STK3: variants seen among roughly 807,000 people sequenced by gnomAD.
The protein encoded by STK3 is serine/threonine kinase 3.
In STK3, 41 loss-of-function variants were observed where a neutral mutation model predicts 58.0. That is an observed-to-expected ratio of 0.71 (90% confidence interval 0.55 to 0.92). The LOEUF (loss-of-function observed/expected upper bound fraction) is 0.92, where lower values mean the gene tolerates loss of function less well. STK3 is among the 40% of genes least tolerant of loss of function. STK3 has a pLI of 0.00. For synonymous variants in STK3, 170 were observed against 191.0 expected (o/e 0.89, Z 0.91); for missense variants, 479 against 602.7 (o/e 0.79, Z 2.15).
At chr8:98,450,742 C>T (rs534302576), downstream of STK3, among the ~76,000 whole-genome samples, 2 of 152,302 alleles carry the variant, frequency 1.3e-5, no homozygotes, top group African/African-American at 2.4e-5. Flanking sequence ...CACCCTGCAT[C>T]CTTTTTCTAC....
Position 98,461,665 on chromosome 8 carries a change from G to A in STK3, c.1318-5665C>T, listed in dbSNP as rs915253448. On this transcript the variant is annotated intron_variant, in intron 10 of 10. Transcript: ENST00000419617. ...TTCAGAACTCCTTTTAGCATTTCTCGTAGGGATGCTCTGGTAGTGACAAAT... is the reference window on the plus strand; with the variant it reads ...TTCAGAACTCCTTTTAGCATTTCTCATAGGGATGCTCTGGTAGTGACAAAT... 6.6e-5 allele frequency among the ~76,000 whole-genome samples: 10 copies of A among 152,144 alleles called. No homozygotes were observed. The East Asian group carries it at 1.2e-3, about 18-fold the overall frequency.
intron 1 of STK3, among the ~76,000 whole-genome samples, chr8:98,796,421 GATAGCTGACTAGCC>G (rs1833168116): frequency 1.3e-5 from 2 of 152,164 alleles, no homozygotes; most frequent in African/African-American, 4.8e-5. Context: ...ATGGTGCTGG[GATAGCTGACTAGCC>G]ATACGCAAAA....
chr8:98,456,087 T>C, intron 10 of STK3, 87 bp from the exon 11 acceptor site: 1 of 1,296,678 alleles, frequency 7.7e-7, no homozygotes. Context: ...TAATGTCTAA[T>C]GAGTTTTAAC....
chr8:98,797,797 G>A (rs368599319), intron 1 of STK3, among the ~76,000 whole-genome samples: 1 of 152,288 alleles, frequency 6.6e-6, no homozygotes, highest in East Asian at 1.9e-4. Context: ...AACTCTGACA[G>A]TAGAATTTGT....
rs915250856 is a variant in STK3 at position 98,508,159 on chromosome 8, T to C, written c.1317+18583A>G. Among the ~76,000 whole-genome samples the C allele has an allele frequency of 4.6e-5, 7 of 152,292 alleles. No homozygotes were observed. The East Asian group carries it at 1.3e-3, about 29-fold the overall frequency. On this transcript the variant is annotated intron_variant, in intron 10 of 10. Transcript: ENST00000419617. ...TTACATATAACTGATTTCTAGTATA[T>C]AGGAAGTAGACTGCACTACCCTAGT...
intron 10 of STK3, among the ~76,000 whole-genome samples, chr8:98,467,023 T>C (rs1586632476): frequency 6.6e-6 from 1 of 152,100 alleles, no homozygotes; most frequent in Admixed American, 6.5e-5. Flanking sequence ...GAAGCAGATA[T>C]CAGTGTCTAT....
chr8:98,596,170 C>A lies in STK3; in HGVS notation c.685-1G>T. On this transcript the variant is annotated splice_acceptor_variant, in intron 6 of 10. Coordinates refer to ENST00000419617, the MANE Select transcript of STK3 (RefSeq NM_006281.4). LOFTEE classifies it high-confidence loss of function. Reference sequence around the variant, plus strand: ...GATTTGTGGGAATCATAAAAATAGCCTAGTACAAATGAAATATCCAAAAGA... The same window carrying A: ...GATTTGTGGGAATCATAAAAATAGCATAGTACAAATGAAATATCCAAAAGA... 3.1e-6 allele frequency: 5 copies of A among 1,610,782 alleles called. No individual in the cohort carries two copies. The highest frequency in any genetic ancestry group is 4.2e-6 in the Non-Finnish European group (5 of 1,178,360).
At chr8:98,713,986 G>C (rs200672983) in intron 4 of STK3, among the ~76,000 whole-genome samples, 13 of 152,002 alleles carry the variant, frequency 8.6e-5, no homozygotes, top group African/African-American at 2.4e-4. Flanking sequence ...ATACGCAAAT[G>C]AATAAACATA....
intron 10 of STK3, among the ~76,000 whole-genome samples, chr8:98,516,127 GT>G (rs1824915041): frequency 6.6e-6 from 1 of 152,010 alleles, no homozygotes; most frequent in Non-Finnish European, 1.5e-5. Flanking sequence ...AGATGCTGAA[GT>G]TTCCAACTTA....
chr8:98,483,998 C>T (rs1488661914), intron 10 of STK3, among the ~76,000 whole-genome samples: 1 of 149,562 alleles, frequency 6.7e-6, no homozygotes, highest in Non-Finnish European at 1.5e-5. Flanking sequence ...TTTTTACTAC[C>T]CTTTAAGAGC....
chr8:98,688,379 A>C (rs1824160827), intron 6 of STK3, among the ~76,000 whole-genome samples: 1 of 152,180 alleles, frequency 6.6e-6, no homozygotes, highest in Non-Finnish European at 1.5e-5. Context: ...CAGAAAACTA[A>C]CAAAGAAATT....
At chr8:98,696,207 G>C (rs1213053480) in intron 6 of STK3, among the ~76,000 whole-genome samples, 4 of 152,212 alleles carry the variant, frequency 2.6e-5, no homozygotes, top group African/African-American at 9.7e-5. Context: ...CATTGATTTT[G>C]TATCCTGAGA....
At chr8:98,743,789 T>G (rs1357497526) in intron 4 of STK3, among the ~76,000 whole-genome samples, 2 of 151,226 alleles carry the variant, frequency 1.3e-5, no homozygotes, top group Admixed American at 6.6e-5. Context: ...ACCATCAGAG[T>G]GAACAGGCAA....
At chr8:98,914,583 G>T (rs942404070) in intron 1 of STK3, among the ~76,000 whole-genome samples, 1 of 151,968 alleles carries the variant, frequency 6.6e-6, no homozygotes, top group Admixed American at 6.6e-5. Flanking sequence ...TCAACACTGG[G>T]TTTCATGTTG....
At chr8:98,866,708 T>G (rs1223023350) in intron 3 of STK3, among the ~76,000 whole-genome samples, 3 of 152,134 alleles carry the variant, frequency 2.0e-5, no homozygotes, top group African/African-American at 7.2e-5. Flanking sequence ...TCAGCACCAG[T>G]GCCTGAGAGG....
intron 7 of STK3, among the ~76,000 whole-genome samples, chr8:98,586,120 C>T (rs1472857721): frequency 6.6e-6 from 1 of 152,014 alleles, no homozygotes; most frequent in Non-Finnish European, 1.5e-5. Context: ...CTGGCCAGAA[C>T]TTCCAACACT....
chr8:98,397,480 G>A (rs1429839284), downstream of STK3, among the ~76,000 whole-genome samples: 1 of 152,080 alleles, frequency 6.6e-6, no homozygotes, highest in East Asian at 1.9e-4. Flanking sequence ...AGGCTGCAGT[G>A]AGCCGTGATC....
At chr8:98,468,034 T>C (rs1330471943) in intron 10 of STK3, among the ~76,000 whole-genome samples, 1 of 152,216 alleles carries the variant, frequency 6.6e-6, no homozygotes, top group Non-Finnish European at 1.5e-5. Flanking sequence ...ATTTAGATTG[T>C]AATAGATAAT....
intron 4 of STK3, among the ~76,000 whole-genome samples, chr8:98,743,663 A>T (rs1275757368): frequency 6.6e-6 from 1 of 152,202 alleles, no homozygotes; most frequent in Non-Finnish European, 1.5e-5. Context: ...ACCATTCAGG[A>T]CATAGGCATG....
Sources: gnomAD v4.1 joint callset for allele counts (sites outside exome capture counted in the v4.1 genomes callset) on GRCh38, gnomAD v4.1.1 for gene constraint, MANE v1.5 for transcripts, NCBI Gene and HGNC (gene_info 2026-07-23, HGNC 2026-07-21) for gene names.